The following TNS3 variants were observed in gnomAD, a reference collection of about 807,000 sequenced individuals.
The protein encoded by TNS3 is tensin-3.
TNS3 carries 45 observed loss-of-function variants against 140.9 expected under a neutral mutation model. The ratio of observed to expected loss-of-function variants is 0.32; its 90% confidence interval spans 0.25 to 0.41. The LOEUF (loss-of-function observed/expected upper bound fraction) is 0.41. Ranked by LOEUF, TNS3 falls within the 10% of genes least tolerant of loss-of-function variation. The pLI is 1.00. For missense variants in TNS3, 1,716 were observed against 1,906.7 expected (o/e 0.90, Z 1.86); for synonymous variants, 815 against 788.4 (o/e 1.03, Z -0.56).
At chr7:47,546,484 A>G (rs901381670) in intron 1 of TNS3, among the ~76,000 whole-genome samples, 3 of 152,144 alleles carry the variant, frequency 2.0e-5, no homozygotes, top group Non-Finnish European at 4.4e-5. Flanking sequence ...CAGGTGGCCC[A>G]GGACGGTGAG....
intron 3 of TNS3, among the ~76,000 whole-genome samples, chr7:47,483,872 T>C (rs2964958): frequency 0.99 from 151,586 of 152,396 alleles, 75,394 homozygotes; most frequent in East Asian, 1. Context: ...TCACTTGTGC[T>C]GCACATTTTC....
intron 16 of TNS3, among the ~76,000 whole-genome samples, chr7:47,371,824 T>C (rs866801867): frequency 1.3e-5 from 2 of 152,336 alleles, no homozygotes; most frequent in South Asian, 4.1e-4. Flanking sequence ...AGATGGACAC[T>C]GGTTCAAATC....
chr7:47,422,649 G>A (rs1360627269), intron 10 of TNS3, among the ~76,000 whole-genome samples: 1 of 151,452 alleles, frequency 6.6e-6, no homozygotes, highest in Non-Finnish European at 1.5e-5. Flanking sequence ...AAAATGAAGA[G>A]ATATCTTCCC....
At chr7:47,564,804 TG>T (rs1351359712) in intron 1 of TNS3, among the ~76,000 whole-genome samples, 1 of 152,000 alleles carries the variant, frequency 6.6e-6, no homozygotes, top group East Asian at 1.9e-4. Context: ...ACTAAGCTCT[TG>T]GCTGCCTCCC....
chr7:47,362,655 A>G (rs1288121778), intron 17 of TNS3, among the ~76,000 whole-genome samples: 3 of 152,114 alleles, frequency 2.0e-5, no homozygotes, highest in Admixed American at 6.5e-5. Context: ...AAGGTACCTA[A>G]AACAGTGTAG....
intron 3 of TNS3, among the ~76,000 whole-genome samples, chr7:47,496,188 G>A (rs1487792080): frequency 6.6e-6 from 1 of 152,122 alleles, no homozygotes; most frequent in Admixed American, 6.5e-5. Context: ...CTGAATGGTG[G>A]TCTGAAAAAA....
In TNS3 at chr7:47,303,440, C is replaced by T. The variant is rs771471575; in HGVS notation, c.2967G>A (p.Pro989=). The change falls in exon 22 of 31, where the codon CCG becomes CCA. Residue 989 remains proline, a synonymous_variant. Coordinates refer to ENST00000311160, the MANE Select transcript of TNS3 (RefSeq NM_022748.12). The part of the protein sequence containing the change: ...RKDSPVLSCF[P]PSELQAPFHS... ...GGAAAGGAGCCTGGAGCTCTGACGG[C>T]GGGAAGCAGGACAGCACTGGGGAGT... The T allele has an allele frequency of 2.5e-6, 4 of 1,613,070 alleles. No homozygotes were observed. The highest frequency in any genetic ancestry group is 1.1e-5 in the South Asian group (1 of 91,074).
chr7:47,388,908 G>GAGGAGA (rs1554310056), intron 16 of TNS3, among the ~76,000 whole-genome samples: 1 of 135,554 alleles, frequency 7.4e-6, no homozygotes, highest in Non-Finnish European at 1.6e-5. Context: ...AGAAGAAGAA[G>GAGGAGA]GGGAGAGGGA....
chr7:47,414,343 C>A (rs571728019), intron 11 of TNS3, among the ~76,000 whole-genome samples: 2 of 152,296 alleles, frequency 1.3e-5, no homozygotes, highest in East Asian at 3.9e-4. Flanking sequence ...ACAATAGAAA[C>A]CTCTGAGCAA....
chr7:47,283,995 G>T, intron 27 of TNS3, 130 bp from the exon 28 acceptor site: 1 of 760,152 alleles, frequency 1.3e-6, no homozygotes, highest in Non-Finnish European at 1.9e-6. Flanking sequence ...TATGCTGGGT[G>T]CATGTAAGGC....
intron 3 of TNS3, among the ~76,000 whole-genome samples, chr7:47,496,596 G>A (rs1428653815): frequency 2.6e-5 from 4 of 152,350 alleles, no homozygotes; most frequent in East Asian, 1.9e-4. Flanking sequence ...CAAGAGAAGC[G>A]GGAGTAAAAG....
chr7:47,293,037 T>A lies in TNS3; in HGVS notation c.3773-132A>T, dbSNP rs1179667278. ...TCTTTTTAGCAACTGGTATGTTAGA[T>A]TAGTGTGCAGCTTTGTGTAAAACTT... is the stretch of plus-strand genomic sequence containing the variant. On this transcript the variant is annotated intron_variant, in intron 25 of 30. Coordinates refer to ENST00000311160, the MANE Select transcript of TNS3 (RefSeq NM_022748.12). The A allele has an allele frequency of 7.2e-6, 5 of 694,326 alleles. 1 individual carries two copies. In the Admixed American group the frequency reaches 1.3e-4, roughly 18 times the overall value. The allele number at this position is 694,326 out of a possible 1,614,324, so 43.0% of individuals were successfully genotyped here.
intron 22 of TNS3, 62 bp from the exon 23 acceptor site, chr7:47,302,334 T>C: frequency 1.5e-6 from 2 of 1,324,338 alleles, no homozygotes; most frequent in Non-Finnish European, 1.1e-6. Flanking sequence ...CAACCTCTCA[T>C]CTGCTGTGAT....
At chr7:47,339,851 G>C (rs775789804) in intron 20 of TNS3, among the ~76,000 whole-genome samples, 2 of 151,442 alleles carry the variant, frequency 1.3e-5, no homozygotes, top group African/African-American at 4.9e-5. Flanking sequence ...GAAATATTCT[G>C]TGGTTTCCTT....
At chr7:47,322,211 G>C (rs1460768040) in intron 20 of TNS3, among the ~76,000 whole-genome samples, 1 of 110,424 alleles carries the variant, frequency 9.1e-6, no homozygotes, top group Non-Finnish European at 1.8e-5. Flanking sequence ...AAGTAGAACG[G>C]GCAAAAAAAA....
intron 17 of TNS3, among the ~76,000 whole-genome samples, chr7:47,353,992 A>AACACACACACAC (rs10598998): frequency 9.1e-5 from 13 of 143,492 alleles, no homozygotes; most frequent in East Asian, 2.1e-4. Context: ...CAGAGGACAA[A>AACACACACACAC]ACACACACAC....
At chr7:47,339,516 T>C (rs1375971402) in intron 20 of TNS3, among the ~76,000 whole-genome samples, 1 of 152,178 alleles carries the variant, frequency 6.6e-6, no homozygotes. Context: ...GTAGGCCTGT[T>C]TCTGGGTTCT....
chr7:47,527,486 C>G (rs895996227), intron 2 of TNS3, among the ~76,000 whole-genome samples: 1 of 151,752 alleles, frequency 6.6e-6, no homozygotes, highest in Non-Finnish European at 1.5e-5. Flanking sequence ...CTTACACCTG[C>G]AGGCCCCAAA....
intron 4 of TNS3, among the ~76,000 whole-genome samples, chr7:47,468,044 T>A (rs1177893850): frequency 1.3e-5 from 2 of 151,512 alleles, no homozygotes; most frequent in Non-Finnish European, 2.9e-5. Context: ...ACTGCAGACA[T>A]TTAAAAAAAA....
Sources: gnomAD v4.1 joint callset for allele counts (sites outside exome capture counted in the v4.1 genomes callset) on GRCh38, gnomAD v4.1.1 for gene constraint, MANE v1.5 for transcripts, NCBI Gene and HGNC (gene_info 2026-07-23, HGNC 2026-07-21) for gene names.